The following TRPM1 variants were observed in gnomAD, a reference collection of about 807,000 sequenced individuals.
TRPM1 encodes the protein transient receptor potential cation channel subfamily M member 1.
In TRPM1, 113 loss-of-function variants were observed where a neutral mutation model predicts 149.4. The observed-to-expected ratio is 0.76, with a 90% CI of 0.65 to 0.88. TRPM1 has a LOEUF of 0.88. Ranked by LOEUF, TRPM1 falls within the 40% of genes least tolerant of loss-of-function variation. The pLI, the probability that TRPM1 is intolerant of heterozygous loss-of-function variation, is 0.00. For synonymous variants in TRPM1, 741 were observed against 759.5 expected (o/e 0.98, Z 0.40); for missense variants, 1,976 against 2,038.7 (o/e 0.97, Z 0.59).
chr15:31,148,649 C>T (rs2036253815), intron 1 of TRPM1, among the ~76,000 whole-genome samples: 1 of 152,160 alleles, frequency 6.6e-6, no homozygotes, highest in East Asian at 1.9e-4. Flanking sequence ...GTGGCATGCA[C>T]CTGTCTATTT....
chr15:31,038,111 T>C lies in TRPM1; in HGVS notation c.2372A>G (p.Tyr791Cys). The C allele has an allele frequency of 6.2e-7, 1 of 1,614,076 alleles. No homozygotes were observed. Among genetic ancestry groups the C allele is most frequent in the Non-Finnish European group, 8.5e-7 (1 of 1,179,914 alleles). ...GGATGTTTGATACGAGAAATCATCA[T>C]ATGTGCGAAATTCCAAAAACAAGAT... ...PTILFLEFRT[Y>C]DDFSYQTSKE... The change falls in exon 19 of 28, where the codon TAT becomes TGT. Residue 791 changes from tyrosine (Y) to cysteine (C), a missense_variant. This residue lies in a region of TRPM1 where 1,332 missense variants were observed against 1,347.1 expected (regional missense o/e 0.99). Coordinates refer to ENST00000256552, the MANE Select transcript of TRPM1 (RefSeq NM_001252024.2).
rs1250547127 is a variant in TRPM1, at chr15:31,073,002, C to T, written c.84-2776G>A. On this transcript the variant is annotated intron_variant, in intron 3 of 27. Coordinates refer to ENST00000256552, the MANE Select transcript of TRPM1 (RefSeq NM_001252024.2). ...TTTCTTGATAGCGTCCCTTGAAGCA[C>T]AGTGTTTAATTTTGGTAAAGACAAT... Among the ~76,000 whole-genome samples, 5 of 152,158 alleles carry T rather than the reference C, an allele frequency of 3.3e-5. No homozygotes were observed. In the East Asian group the frequency reaches 9.6e-4, roughly 29 times the overall value.
intron 1 of TRPM1, among the ~76,000 whole-genome samples, chr15:31,157,660 G>A (rs545073725): frequency 1.3e-5 from 2 of 152,254 alleles, no homozygotes; most frequent in South Asian, 4.1e-4. Flanking sequence ...CAAGCAGCAG[G>A]CTGCTGAGGG....
At chr15:31,050,285 T>G (rs1485022342) in intron 12 of TRPM1, 124 bp downstream of exon 12, 3 of 1,399,656 alleles carry the variant, frequency 2.1e-6, no homozygotes, top group Non-Finnish European at 3.0e-6. Flanking sequence ...CACTACCCAG[T>G]CAAGCCTTTA....
intron 1 of TRPM1, among the ~76,000 whole-genome samples, chr15:31,144,520 T>C (rs1352763968): frequency 1.3e-5 from 2 of 152,174 alleles, no homozygotes; most frequent in Non-Finnish European, 2.9e-5. Flanking sequence ...GCCTATGTGG[T>C]TACTCTTGCT....
At chr15:31,120,312 T>C (rs1032416503) in intron 1 of TRPM1, among the ~76,000 whole-genome samples, 1 of 151,928 alleles carries the variant, frequency 6.6e-6, no homozygotes, top group African/African-American at 2.4e-5. Flanking sequence ...AATAGGACAT[T>C]ACATAATAAT....
intron 2 of TRPM1, among the ~76,000 whole-genome samples, chr15:31,078,682 T>C (rs1280201219): frequency 6.6e-6 from 1 of 152,186 alleles, no homozygotes; most frequent in African/African-American, 2.4e-5. Flanking sequence ...TGTTTTGCAC[T>C]TTTCCCGTCT....
rs754964247 is a variant in TRPM1 at position 31,066,148 on chromosome 15, C to G, written c.718G>C (p.Gly240Arg). ...AGCTTCACCTCGGCGCCATACTTGC[C>G]CAGGGTGCCATTGTCAGCCAGGATG... ...HFILADNGTL[G>R]KYGAEVKLRR... is the part of the protein sequence containing the mutation. Residue 240 changes from glycine to arginine, a missense_variant, in exon 7 of 28, where the codon GGC becomes CGC. Physicochemically the swap from Gly to Arg is moderately radical, Grantham distance 125. Transcript: ENST00000256552. The G allele has an allele frequency of 6.2e-7, 1 of 1,614,156 alleles. No homozygotes were observed. Among genetic ancestry groups the G allele is most frequent in the Non-Finnish European group, 8.5e-7 (1 of 1,180,038 alleles).
intron 1 of TRPM1, among the ~76,000 whole-genome samples, chr15:31,136,741 C>A (rs1596095734): frequency 1.4e-5 from 1 of 72,274 alleles, no homozygotes; most frequent in Admixed American, 1.3e-4. Context: ...TCCTCAGCCG[C>A]CCCCACCCTT....
At chr15:31,020,907 A>G (rs189448254) in intron 27 of TRPM1, among the ~76,000 whole-genome samples, 1 of 152,172 alleles carries the variant, frequency 6.6e-6, no homozygotes, top group Non-Finnish European at 1.5e-5. Context: ...CTAAGTGGGT[A>G]TTCCTAATTC....
At chr15:31,109,333 C>CAAAAAAA (rs36072024) in intron 1 of TRPM1, among the ~76,000 whole-genome samples, 35 of 32,238 alleles carry the variant, frequency 1.1e-3, no homozygotes, top group Non-Finnish European at 1.4e-3. Context: ...GACTCTGCCT[C>CAAAAAAA]AAAAAAAAAA....
intron 1 of TRPM1, among the ~76,000 whole-genome samples, chr15:31,136,744 C>CT (rs1197768447): frequency 2.0e-5 from 3 of 147,088 alleles, no homozygotes; most frequent in African/African-American, 7.7e-5. Flanking sequence ...TCAGCCGCCC[C>CT]CACCCTTTTT....
At chr15:31,047,762 C>T (rs377348045) in intron 14 of TRPM1, 127 bp downstream of exon 14, 106 of 832,512 alleles carry the variant, frequency 1.3e-4, no homozygotes, top group South Asian at 1.1e-3. Flanking sequence ...AGACTCTTTA[C>T]GAAAGAAGGA....
At chr15:31,049,285 A>C (rs1252905090) in intron 13 of TRPM1, 90 bp downstream of exon 13, 1 of 1,589,194 alleles carries the variant, frequency 6.3e-7, no homozygotes, top group Non-Finnish European at 8.6e-7. Context: ...GAAGGAGGTC[A>C]GATGAGCACA....
At chr15:31,035,490 T>C (rs1011905687) in intron 21 of TRPM1, 56 bp downstream of exon 21, 4 of 1,612,536 alleles carry the variant, frequency 2.5e-6, no homozygotes, top group Non-Finnish European at 3.4e-6. Context: ...TAAGGAGCCA[T>C]ATCTGCATTT....
At chr15:31,109,765 T>C (rs565858983) in intron 1 of TRPM1, among the ~76,000 whole-genome samples, 1 of 151,320 alleles carries the variant, frequency 6.6e-6, no homozygotes, top group African/African-American at 2.4e-5. Context: ...ATGGGAGTCC[T>C]GGCAGCAGAC....
intron 21 of TRPM1, among the ~76,000 whole-genome samples, chr15:31,034,988 C>T (rs191231129): frequency 7.9e-4 from 120 of 152,324 alleles, no homozygotes; most frequent in African/African-American, 2.7e-3. Context: ...AAAAGTCCCA[C>T]AGCATGTGTA....
intron 27 of TRPM1, among the ~76,000 whole-genome samples, chr15:31,024,774 G>T (rs1413917374): frequency 6.6e-6 from 1 of 152,162 alleles, no homozygotes; most frequent in African/African-American, 2.4e-5. Context: ...ATTACATGGG[G>T]TACCTTAACT....
At chr15:31,154,307 C>T (rs777948892) in intron 1 of TRPM1, among the ~76,000 whole-genome samples, 1 of 152,076 alleles carries the variant, frequency 6.6e-6, no homozygotes, top group Non-Finnish European at 1.5e-5. Context: ...TGATGTGAAG[C>T]CATAGAGAGA....
Sources: allele counts gnomAD v4.1 joint callset (sites outside exome capture counted in the v4.1 genomes callset), GRCh38; gene constraint gnomAD v4.1.1; regional missense constraint gnomAD v4.1.1; transcripts MANE v1.5; gene names NCBI Gene and HGNC (gene_info 2026-07-23, HGNC 2026-07-21).